Variants in TPD52L2 observed in about 807,000 individuals in gnomAD.
The protein encoded by TPD52L2 is tumor protein D54.
Under a neutral mutation model 24.7 loss-of-function variants are expected in TPD52L2, and 19 were observed. The ratio of observed to expected loss-of-function variants is 0.77; its 90% CI spans 0.54 to 1.13. TPD52L2 has a LOEUF of 1.13. Ranked by LOEUF, TPD52L2 falls within the 50% of genes most tolerant of loss-of-function variation. The pLI is 0.00. For synonymous variants in TPD52L2, 104 were observed against 100.2 expected (o/e 1.04, Z -0.23); for missense variants, 236 against 250.4 (o/e 0.94, Z 0.39).
Position 63,889,873 on chromosome 20 carries a change from G to T in TPD52L2, c.549G>T (p.Glu183Asp), listed in dbSNP as rs775838025. Residue 183 changes from glutamate to aspartate, a missense_variant, in exon 7 of 7, where the codon GAG becomes GAT. By Grantham distance (45) the Glu-to-Asp change is conservative. Transcript: ENST00000346249. The stretch of plus-strand genomic sequence containing the variant: ...AGTCTAAGGTTGTGGGTGACAGAGA[G>T]AACGGCAGTGACAACCTCCCTTCCT... Reference protein sequence around the residue: ...TIKSKVVGDRENGSDNLPSSA... With the variant: ...TIKSKVVGDRDNGSDNLPSSA... 1 of 1,614,106 alleles carries T rather than the reference G, an allele frequency of 6.2e-7. No individual in the cohort carries two copies. Among genetic ancestry groups the T allele is most frequent in the Non-Finnish European group, 8.5e-7 (1 of 1,180,040 alleles).
At position 63,889,180 on chromosome 20, in the gene TPD52L2, C is replaced by T; in HGVS notation, c.477-10C>T. The T allele has an allele frequency of 1.9e-6, 3 of 1,613,158 alleles. No homozygotes were observed. The highest frequency in any genetic ancestry group is 1.7e-6 in the Non-Finnish European group (2 of 1,179,530). On this transcript the variant is annotated splice_polypyrimidine_tract_variant and intron_variant, in intron 5 of 6. Transcript: ENST00000346249. ...TCTTGACACCGACACTCTTCCCTCT[C>T]TCTTTAAAGGAACTCTGCGACCTTC...
In TPD52L2 at chr20:63,865,350, C is replaced by CGGACGCCGCCCGAACAT; in HGVS notation, c.-11_6dup. On this transcript the variant is annotated 5_prime_UTR_variant, in exon 1 of 7. It adds an upstream start codon to the 5' untranslated region. Transcript: ENST00000346249. ...TCCCATAGCGCCCGCGACAGCGGTC[C>CGGACGCCGCCCGAACAT]GGACGCCGCCCGAACATGGACTCCG... 1 of 1,525,498 alleles carries CGGACGCCGCCCGAACAT rather than the reference C, an allele frequency of 6.6e-7. No homozygotes were observed. Among genetic ancestry groups the CGGACGCCGCCCGAACAT allele is most frequent in the Non-Finnish European group, 8.8e-7 (1 of 1,142,108 alleles). The allele number at this position is 1,525,498 out of a possible 1,614,324, so 94.5% of individuals were successfully genotyped here.
At chr20:63,883,180 C>A (rs539789775) in intron 5 of TPD52L2, among the ~76,000 whole-genome samples, 1 of 152,172 alleles carries the variant, frequency 6.6e-6, no homozygotes, top group Non-Finnish European at 1.5e-5. Context: ...CGGCAGTCCT[C>A]CACCATCTCT....
chr20:63,890,285 G>A lies in TPD52L2; in HGVS notation c.*340G>A, dbSNP rs181704136. The A allele has an allele frequency of 8.4e-4, 370 of 440,840 alleles. No individual in the cohort carries two copies. Among genetic ancestry groups the A allele is most frequent in the Middle Eastern group, 4.7e-3 (8 of 1,718 alleles). The allele number at this position is 440,840 out of a possible 1,614,324, so 27.3% of individuals were successfully genotyped here. On this transcript the variant is annotated 3_prime_UTR_variant, in exon 7 of 7. Coordinates refer to ENST00000346249, the MANE Select transcript of TPD52L2 (RefSeq NM_003288.4). ...CATGTTAGCCCATCAGAATGTTGAA[G>A]GATTGAAGAGTTCTAAGCATAAAAT... is the stretch of plus-strand genomic sequence containing the variant.
At chr20:63,886,932 T>G (rs928536031) in intron 5 of TPD52L2, 1 of 158,476 alleles carries the variant, frequency 6.3e-6, no homozygotes, top group African/African-American at 2.4e-5. Context: ...CGTGAGCCAC[T>G]GCGCCGGGCC....
intron 5 of TPD52L2, chr20:63,887,389 A>G: frequency 1.3e-6 from 1 of 783,624 alleles, no homozygotes; most frequent in Non-Finnish European, 2.2e-6. Flanking sequence ...AGGCCAAGGG[A>G]GGACCCTGGG....
intron 3 of TPD52L2, among the ~76,000 whole-genome samples, chr20:63,874,725 A>G (rs968901610): frequency 8.3e-5 from 12 of 145,210 alleles, no homozygotes; most frequent in African/African-American, 3.2e-4. Context: ...TCCTGGTGGA[A>G]AATGATAGGA....
At chr20:63,866,453 TTTTGTTTG>T (rs1339545362) in intron 1 of TPD52L2, among the ~76,000 whole-genome samples, 1 of 151,142 alleles carries the variant, frequency 6.6e-6, no homozygotes, top group Admixed American at 6.6e-5. Context: ...GGAGGGTGTT[TTTTGTTTG>T]TTTGTTTTTG....
chr20:63,884,870 C>T (rs921551699), intron 5 of TPD52L2, among the ~76,000 whole-genome samples: 9 of 152,178 alleles, frequency 5.9e-5, no homozygotes, highest in Non-Finnish European at 1.0e-4. Flanking sequence ...TCACGGTGCC[C>T]GTGGAGGGTC....
intron 4 of TPD52L2, among the ~76,000 whole-genome samples, chr20:63,882,093 G>A (rs959312820): frequency 6.6e-6 from 1 of 152,238 alleles, no homozygotes; most frequent in African/African-American, 2.4e-5. Flanking sequence ...GGAACTGTCC[G>A]ATGTTCTGAA....
intron 1 of TPD52L2, among the ~76,000 whole-genome samples, chr20:63,866,766 T>TA (rs1180615416): frequency 1.3e-5 from 2 of 149,528 alleles, no homozygotes; most frequent in Non-Finnish European, 3.0e-5. Context: ...GCCTTTTTTT[T>TA]TTTTTTTTTT....
chr20:63,882,550 G>A (rs780447480), intron 4 of TPD52L2, among the ~76,000 whole-genome samples, 169 bp from the exon 5 acceptor site: 3 of 152,250 alleles, frequency 2.0e-5, no homozygotes, highest in African/African-American at 4.8e-5. Flanking sequence ...TCTGGGGGCC[G>A]AGGGGCTCTG....
intron 1 of TPD52L2, among the ~76,000 whole-genome samples, chr20:63,867,861 C>T (rs565608720): frequency 6.7e-4 from 100 of 150,086 alleles, no homozygotes; most frequent in African/African-American, 2.3e-3. Context: ...TGGTCTTGAA[C>T]TCCTGACCTC....
intron 2 of TPD52L2, among the ~76,000 whole-genome samples, chr20:63,871,009 C>T (rs185167032): frequency 6.6e-6 from 1 of 151,304 alleles, no homozygotes; most frequent in East Asian, 2.0e-4. Context: ...AGCCACTGTG[C>T]CCGGCCCCTA....
intron 4 of TPD52L2, 129 bp from the exon 5 acceptor site, chr20:63,882,590 G>A (rs573275848): frequency 1.2e-4 from 89 of 742,060 alleles, no homozygotes; most frequent in South Asian, 3.2e-4. Flanking sequence ...GACACCTGGC[G>A]AGTGTCCACC....
intron 1 of TPD52L2, 119 bp downstream of exon 1, chr20:63,865,503 G>A: frequency 7.4e-7 from 1 of 1,342,620 alleles, no homozygotes; most frequent in Non-Finnish European, 9.9e-7. Flanking sequence ...CCACCCCGCG[G>A]CCCCTCTTCA....
chr20:63,882,747 C>T lies in TPD52L2; in HGVS notation c.403C>T (p.Gln135Ter). 1 of 1,614,182 alleles carries T rather than the reference C, an allele frequency of 6.2e-7. No individual in the cohort carries two copies. Among genetic ancestry groups the T allele is most frequent in the Non-Finnish European group, 8.5e-7 (1 of 1,180,012 alleles). ...LYKKTQETLS[Q>*]AGQKTSAALS... ...CAAGAAGACTCAGGAAACTCTTTCACAGGCAGGACAGAAGACTTCAGCTGC... is the reference window on the plus strand; with the variant it reads ...CAAGAAGACTCAGGAAACTCTTTCATAGGCAGGACAGAAGACTTCAGCTGC... Residue 135 changes from glutamine to a stop codon, truncating the protein, a stop_gained, in exon 5 of 7, where the codon CAG (glutamine) becomes TAG (stop). Transcript: ENST00000346249. LOFTEE classifies it high-confidence loss of function.
chr20:63,881,383 T>C (rs7347971), intron 4 of TPD52L2, among the ~76,000 whole-genome samples: 1 of 145,844 alleles, frequency 6.9e-6, no homozygotes, highest in African/African-American at 2.5e-5. Context: ...AGAAAGAAAG[T>C]GCATCCTCTG....
At chr20:63,875,933 G>T in intron 4 of TPD52L2, 58 bp downstream of exon 4, 2 of 1,554,072 alleles carry the variant, frequency 1.3e-6, no homozygotes. Flanking sequence ...CTGACACTCA[G>T]TCGGGGAAGG....
Sources: allele counts gnomAD v4.1 joint callset (sites outside exome capture counted in the v4.1 genomes callset), GRCh38; gene constraint gnomAD v4.1.1; transcripts MANE v1.5; gene names NCBI Gene and HGNC (gene_info 2026-07-23, HGNC 2026-07-21).